ARHGEF3: variants seen among roughly 807,000 people sequenced by gnomAD.
ARHGEF3 encodes the protein Rho guanine nucleotide exchange factor 3.
ARHGEF3 carries 28 observed loss-of-function variants against 63.2 expected under a neutral mutation model. The observed-to-expected ratio is 0.44, with a 90% CI of 0.33 to 0.61. The LOEUF is 0.61. ARHGEF3 is among the 20% of genes least tolerant of loss of function. The pLI is 0.03. For missense variants in ARHGEF3, 533 were observed against 659.3 expected, an observed-to-expected ratio of 0.81 and a Z score of 2.10; for synonymous variants, 266 against 254.2, an observed-to-expected ratio of 1.05 and a Z score of -0.44.
chr3:56,968,198 ATATATAAAAATATATAT>A lies in ARHGEF3; in HGVS notation c.63-9326_63-9310del, dbSNP rs1700711429. Among the ~76,000 whole-genome samples the A allele has an allele frequency of 1.7e-3, 27 of 15,632 alleles. 2 individuals are homozygous for A. The highest frequency in any genetic ancestry group is 0.018 in the East Asian group (2 of 114). The allele number at this position is 15,632 out of a possible 152,430, so 10.3% of individuals were successfully genotyped here. A position where few individuals can be genotyped will look rare whatever the true frequency, so the allele number is the denominator to read the frequency against. On this transcript the variant is annotated intron_variant, in intron 2 of 12. Transcript: ENST00000338458. The stretch of plus-strand genomic sequence containing the variant: ...TATATAAAAATATATATTATATATA[ATATATAAAAATATATAT>A]TATATATAATATATATATAAATATA...
chr3:57,011,093 G>T (rs1702680827), intron 2 of ARHGEF3, among the ~76,000 whole-genome samples: 1 of 152,100 alleles, frequency 6.6e-6, no homozygotes, highest in South Asian at 2.1e-4. Context: ...CTGCGTGTAG[G>T]AGCTATGATG....
At chr3:57,003,754 T>C (rs1702358883) in intron 2 of ARHGEF3, among the ~76,000 whole-genome samples, 1 of 152,070 alleles carries the variant, frequency 6.6e-6, no homozygotes, top group African/African-American at 2.4e-5. Context: ...GTAGGAGATG[T>C]GATCATGGAA....
intron 2 of ARHGEF3, among the ~76,000 whole-genome samples, chr3:56,761,768 T>C (rs1421768658): frequency 6.6e-6 from 1 of 152,164 alleles, no homozygotes; most frequent in African/African-American, 2.4e-5. Flanking sequence ...AGCTAATGAA[T>C]GGTGCTTTAT....
Position 56,751,090 on chromosome 3 carries a change from G to C in ARHGEF3, c.578C>G (p.Ser193Trp). ...GAGGATGGGACCAACATGTTCAGTC[G>C]AGCCATCAGGCTTCCTAACATCTCG... ...QLRDVRKPDG[S>W]TEHVGPILVG... The change falls in exon 6 of 10, where the codon TCG becomes TGG. Residue 193 changes from serine to tryptophan, a missense_variant. Transcript: ENST00000296315. The C allele has an allele frequency of 6.2e-7, 1 of 1,614,044 alleles. No homozygotes were observed. The highest frequency in any genetic ancestry group is 8.5e-7 in the Non-Finnish European group (1 of 1,180,004).
intron 2 of ARHGEF3, among the ~76,000 whole-genome samples, chr3:57,006,099 G>A (rs1283157858): frequency 1.3e-5 from 2 of 152,172 alleles, no homozygotes; most frequent in African/African-American, 2.4e-5. Context: ...CACAGTTGGT[G>A]GCTTAATCAA....
At position 56,771,490 on chromosome 3, in the gene ARHGEF3, TA is replaced by T. The variant is rs1163620083; in HGVS notation, c.204+2218del. On this transcript the variant is annotated intron_variant, in intron 2 of 9. Coordinates refer to ENST00000296315, the MANE Select transcript of ARHGEF3 (RefSeq NM_019555.3). ...GCACAAACACAAAAAGCCTACCAACTAGGCAAGGCAATGACAGAGAGTAAAG... is the reference window on the plus strand; with the variant it reads ...GCACAAACACAAAAAGCCTACCAACTGGCAAGGCAATGACAGAGAGTAAAG... Among the ~76,000 whole-genome samples the T allele has an allele frequency of 2.0e-5, 3 of 152,154 alleles. No individual in the cohort carries two copies. The East Asian group carries it at 5.8e-4, about 29-fold the overall frequency.
At chr3:56,966,341 A>G (rs577832105) in intron 2 of ARHGEF3, among the ~76,000 whole-genome samples, 2 of 152,262 alleles carry the variant, frequency 1.3e-5, no homozygotes, top group Non-Finnish European at 2.9e-5. Context: ...GCACAGCCCA[A>G]CTGTTGACAG....
In ARHGEF3 at chr3:56,728,940, A is replaced by G. The variant is rs75652043; in HGVS notation, c.*330T>C. 40,299 of 224,706 alleles carry G rather than the reference A, an allele frequency of 0.18. 4,138 individuals carry two copies. The highest frequency in any genetic ancestry group is 0.36 in the South Asian group (4,180 of 11,706). 13.9% of individuals were successfully genotyped at this position (224,706 alleles called of 1,614,324 possible). A position where few individuals can be genotyped will look rare whatever the true frequency, so the allele number is the denominator to read the frequency against. ...AAGCACAAGAGGAAGGACTCTTCAA[A>G]CAATCTATGTAAAACAGTAGTTTTG... On this transcript the variant is annotated 3_prime_UTR_variant, in exon 10 of 10. Coordinates refer to ENST00000296315, the MANE Select transcript of ARHGEF3 (RefSeq NM_019555.3).
At position 56,922,300 on chromosome 3, in the gene ARHGEF3, T is replaced by C. The variant is rs2042163774; in HGVS notation, c.129+36523A>G. 2.0e-5 allele frequency among the ~76,000 whole-genome samples: 3 copies of C among 152,298 alleles called. No homozygotes were observed. The South Asian group carries it at 6.2e-4, about 32-fold the overall frequency. On this transcript the variant is annotated intron_variant, in intron 3 of 12. Coordinates refer to the ARHGEF3 transcript ENST00000338458. The stretch of plus-strand genomic sequence containing the variant: ...AACTGTCAAGTCTCCTTCCTTACAC[T>C]GTCAGTTAAAAGTGAAACTCCTGTC...
At chr3:56,805,451 T>C (rs910645900), upstream of ARHGEF3, among the ~76,000 whole-genome samples, 2 of 152,144 alleles carry the variant, frequency 1.3e-5, no homozygotes, top group African/African-American at 4.8e-5. Flanking sequence ...CTCAGGCTGG[T>C]CTTGAATTCC....
chr3:56,984,510 G>T (rs547530069), intron 2 of ARHGEF3, among the ~76,000 whole-genome samples: 56 of 152,068 alleles, frequency 3.7e-4, no homozygotes, highest in Non-Finnish European at 6.3e-4. Context: ...ATGAGGCAAT[G>T]ATTATATTAA....
At chr3:57,046,123 T>C (rs374322458) in intron 1 of ARHGEF3, among the ~76,000 whole-genome samples, 2 of 152,214 alleles carry the variant, frequency 1.3e-5, no homozygotes, top group South Asian at 4.1e-4. Context: ...TACAATTCAC[T>C]GAAATCTATG....
chr3:56,798,618 T>C (rs930527074), intron 1 of ARHGEF3, among the ~76,000 whole-genome samples: 4 of 150,356 alleles, frequency 2.7e-5, no homozygotes, highest in Admixed American at 2.7e-4. Context: ...TAACTTACAA[T>C]CAGGATAATT....
intron 3 of ARHGEF3, among the ~76,000 whole-genome samples, chr3:56,937,452 G>A (rs1338924162): frequency 2.0e-5 from 3 of 152,124 alleles, no homozygotes; most frequent in Non-Finnish European, 4.4e-5. Flanking sequence ...GCAAATGTTA[G>A]GAACTGTTAA....
chr3:56,852,194 C>T (rs557461302), intron 4 of ARHGEF3, among the ~76,000 whole-genome samples: 102 of 152,236 alleles, frequency 6.7e-4, no homozygotes, highest in Middle Eastern at 3.4e-3. Context: ...TGGGTCATTC[C>T]GGAAAAAATT....
intron 1 of ARHGEF3, among the ~76,000 whole-genome samples, chr3:57,067,206 C>G (rs1209839697): frequency 6.6e-6 from 1 of 152,080 alleles, no homozygotes; most frequent in Admixed American, 6.6e-5. Context: ...AATCCCAGTA[C>G]TTTGGGAGGC....
chr3:56,967,924 T>G (rs1700655310), intron 2 of ARHGEF3, among the ~76,000 whole-genome samples: 1 of 71,364 alleles, frequency 1.4e-5, no homozygotes, highest in Non-Finnish European at 2.4e-5. Flanking sequence ...TAATATATTA[T>G]ATATAATATA....
In ARHGEF3 at chr3:56,731,881, C is replaced by T. The variant is rs139061380; in HGVS notation, c.1228+357G>A. ...AGTTCAGCTGCAAAACCCACCATAA[C>T]GCAACTGGCATCCATGTAGGGACTA... is the stretch of plus-strand genomic sequence containing the variant. On this transcript the variant is annotated intron_variant, in intron 9 of 9. Coordinates refer to ENST00000296315, the MANE Select transcript of ARHGEF3 (RefSeq NM_019555.3). 85 of 401,380 alleles carry T rather than the reference C, an allele frequency of 2.1e-4. 2 individuals are homozygous for T. In the South Asian group the frequency reaches 2.7e-3, roughly 13 times the overall value. The allele number at this position is 401,380 out of a possible 1,614,324, so 24.9% of individuals were successfully genotyped here.
At chr3:57,050,210 C>T (rs961223244) in intron 1 of ARHGEF3, among the ~76,000 whole-genome samples, 2 of 152,236 alleles carry the variant, frequency 1.3e-5, no homozygotes, top group African/African-American at 4.8e-5. Flanking sequence ...AAAATACAAG[C>T]CCAATCGGCC....
Sources: gnomAD v4.1 joint callset for allele counts (sites outside exome capture counted in the v4.1 genomes callset) on GRCh38, gnomAD v4.1.1 for gene constraint, MANE v1.5 for transcripts, NCBI Gene and HGNC (gene_info 2026-07-23, HGNC 2026-07-21) for gene names.